The following PTK7 variants were observed in gnomAD, a reference collection of about 807,000 sequenced individuals.
The protein encoded by PTK7 is inactive tyrosine-protein kinase 7.
PTK7 carries 39 observed loss-of-function variants against 116.6 expected under a neutral mutation model. The ratio of observed to expected loss-of-function variants is 0.33; its 90% confidence interval spans 0.26 to 0.44. PTK7 has a LOEUF of 0.44. Ranked by LOEUF, PTK7 falls within the 20% of genes least tolerant of loss-of-function variation. PTK7 has a pLI of 1.00. For synonymous variants in PTK7, 546 were observed against 563.6 expected, an observed-to-expected ratio of 0.97 and a Z score of 0.44; for missense variants, 1,169 against 1,425.6, an observed-to-expected ratio of 0.82 and a Z score of 2.90.
intron 3 of PTK7, 119 bp from the exon 4 acceptor site, chr6:43,130,111 C>G (rs1463244522): frequency 1.2e-5 from 13 of 1,113,634 alleles, no homozygotes; most frequent in Non-Finnish European, 1.7e-5. Context: ...CCTTCCCTTC[C>G]TCAGGCCGTT....
intron 1 of PTK7, among the ~76,000 whole-genome samples, chr6:43,124,624 C>T (rs1315993752): frequency 6.6e-6 from 1 of 151,716 alleles, no homozygotes; most frequent in East Asian, 1.9e-4. Context: ...TGCAGTGAGC[C>T]GTGATGGCAC....
At chr6:43,144,396 A>G (rs1238683361) in intron 14 of PTK7, 55 bp from the exon 15 acceptor site, 14 of 1,609,084 alleles carry the variant, frequency 8.7e-6, no homozygotes, top group Middle Eastern at 1.7e-4. Flanking sequence ...AGAAATCCCC[A>G]TGGTGGCCAG....
chr6:43,111,329 G>A (rs1285739138), intron 1 of PTK7, among the ~76,000 whole-genome samples: 1 of 152,184 alleles, frequency 6.6e-6, no homozygotes, highest in Non-Finnish European at 1.5e-5. Flanking sequence ...AGGCAGCTGA[G>A]GGACAGAGCT....
chr6:43,153,917 G>A (rs1003477430), intron 17 of PTK7, among the ~76,000 whole-genome samples: 2 of 152,028 alleles, frequency 1.3e-5, no homozygotes, highest in African/African-American at 4.8e-5. Context: ...CTGTAATCCA[G>A]CACTTTGGGA....
At chr6:43,122,502 T>C (rs1317932367) in intron 1 of PTK7, among the ~76,000 whole-genome samples, 2 of 152,186 alleles carry the variant, frequency 1.3e-5, no homozygotes, top group African/African-American at 4.8e-5. Flanking sequence ...TGGGGGTCTA[T>C]GTATGCCCTA....
chr6:43,160,565 G>A (rs939223041), intron 19 of PTK7, among the ~76,000 whole-genome samples, 156 bp from the exon 20 acceptor site: 1 of 152,216 alleles, frequency 6.6e-6, no homozygotes, highest in African/African-American at 2.4e-5. Flanking sequence ...GGCCAGGGGA[G>A]TCATCTTTTT....
intron 1 of PTK7, among the ~76,000 whole-genome samples, chr6:43,091,812 AG>A (rs2150379080): frequency 6.6e-6 from 1 of 152,288 alleles, no homozygotes; most frequent in African/African-American, 2.4e-5. Context: ...CCCTTTGTCC[AG>A]TTTATCGAAT....
At chr6:43,102,678 A>G (rs921067016) in intron 1 of PTK7, among the ~76,000 whole-genome samples, 1 of 152,212 alleles carries the variant, frequency 6.6e-6, no homozygotes, top group African/African-American at 2.4e-5. Context: ...ATGACACTAG[A>G]TATAAATTAA....
chr6:43,091,429 A>G lies in PTK7; in HGVS notation c.79+14862A>G, dbSNP rs572552347. Among the ~76,000 whole-genome samples the G allele has an allele frequency of 1.3e-3, 192 of 152,210 alleles. 1 individual carries two copies. The highest frequency in any genetic ancestry group is 2.2e-3 in the Non-Finnish European group (152 of 68,004). ...TGATCCACCCACCTCGGCCTCTCGA[A>G]GTGTTGGGATTACAGGCGTGAGCCA... On this transcript the variant is annotated intron_variant, in intron 1 of 19. Transcript: ENST00000230419.
intron 18 of PTK7, 47 bp from the exon 19 acceptor site, chr6:43,159,738 CAGG>C: frequency 6.3e-7 from 1 of 1,588,406 alleles, no homozygotes; most frequent in Non-Finnish European, 8.6e-7. Context: ...GGTGCAGCGC[CAGG>C]CCACGCTCCC....
At chr6:43,082,210 C>T (rs1050114647) in intron 1 of PTK7, among the ~76,000 whole-genome samples, 4 of 152,188 alleles carry the variant, frequency 2.6e-5, no homozygotes, top group African/African-American at 9.7e-5. Flanking sequence ...GAGTCTCACT[C>T]TGTCGCCCAG....
chr6:43,108,198 G>A (rs914771870), intron 1 of PTK7, among the ~76,000 whole-genome samples: 11 of 150,994 alleles, frequency 7.3e-5, no homozygotes, highest in Non-Finnish European at 7.4e-5. Context: ...AGGTTCAAGC[G>A]ATTCTCCTGC....
chr6:43,095,548 C>A (rs937112138), intron 1 of PTK7, among the ~76,000 whole-genome samples: 1 of 152,074 alleles, frequency 6.6e-6, no homozygotes, highest in Non-Finnish European at 1.5e-5. Flanking sequence ...AGGAAAGGGG[C>A]CAATTTATGG....
In PTK7 at chr6:43,160,876, C is replaced by G. The variant is rs779508358; in HGVS notation, c.3208C>G (p.Pro1070Ala). 6.2e-7 allele frequency: 1 copy of G among 1,613,652 alleles called. No homozygotes were observed. The highest frequency in any genetic ancestry group is 1.3e-5 in the African/African-American group (1 of 74,930). Residue 1070 changes from proline (P) to alanine (A), a missense_variant, in exon 20 of 20, where the codon CCG (proline) becomes GCG (alanine). By Grantham distance (27) the Pro-to-Ala change is conservative (BLOSUM62 -1). Transcript: ENST00000230419. ...GGGAGACAGCACCGTGGACAGCAAG[C>G]CGTGAGGAGGGAGCCCGCTCAGGAT... Reference protein sequence around the residue: ...ALGDSTVDSKP With the variant: ...ALGDSTVDSKA
At chr6:43,117,318 G>A (rs1355237074) in intron 1 of PTK7, among the ~76,000 whole-genome samples, 1 of 152,206 alleles carries the variant, frequency 6.6e-6, no homozygotes, top group Non-Finnish European at 1.5e-5. Flanking sequence ...GAGAGATCTT[G>A]CAGGACCGTT....
Position 43,076,540 on chromosome 6 carries a change from A to C in PTK7, c.52A>C (p.Ser18Arg). 1 of 1,577,912 alleles carries C rather than the reference A, an allele frequency of 6.3e-7. No homozygotes were observed. Among genetic ancestry groups the C allele is most frequent in the South Asian group, 1.1e-5 (1 of 87,212 alleles). Reference sequence around the variant, plus strand: ...CAGACCCCGCCGGTTGCCTCTGCTCAGCGTCCTGCTGCTGCCGCTGCTGGG... The same window carrying C: ...CAGACCCCGCCGGTTGCCTCTGCTCCGCGTCCTGCTGCTGCCGCTGCTGGG... ...PARPRRLPLL[S>R]VLLLPLLGGT... The change falls in exon 1 of 20, where the codon AGC (serine) becomes CGC (arginine). Residue 18 changes from serine to arginine, a missense_variant. This residue lies in a region of PTK7 where 487 missense variants were observed against 549.8 expected (regional missense o/e 0.89). Transcript: ENST00000230419. This position sits in a 1 kb window ranked among gnomAD's most constrained non-coding sequence, Gnocchi z 5.7.
At chr6:43,134,451 A>C (rs768800702) in intron 7 of PTK7, among the ~76,000 whole-genome samples, 38 of 152,134 alleles carry the variant, frequency 2.5e-4, no homozygotes, top group Non-Finnish European at 5.0e-4. Flanking sequence ...GTTTGAGACC[A>C]GGCTGGACAA....
At chr6:43,092,590 G>A (rs1767010640) in intron 1 of PTK7, among the ~76,000 whole-genome samples, 1 of 152,082 alleles carries the variant, frequency 6.6e-6, no homozygotes, top group Admixed American at 6.6e-5. Context: ...AGGATTGGGG[G>A]GACTACTGTA....
chr6:43,144,308 T>A, intron 14 of PTK7, 143 bp from the exon 15 acceptor site: 5 of 919,580 alleles, frequency 5.4e-6, no homozygotes, highest in South Asian at 1.5e-5. Flanking sequence ...CATTATTTCA[T>A]CATTTGGGCT....
Sources: allele counts gnomAD v4.1 joint callset (sites outside exome capture counted in the v4.1 genomes callset), GRCh38; gene constraint gnomAD v4.1.1; regional missense constraint gnomAD v4.1.1; non-coding constraint Gnocchi (gnomAD v3.1); transcripts MANE v1.5; gene names NCBI Gene and HGNC (gene_info 2026-07-23, HGNC 2026-07-21).